The following TBC1D19 variants were observed in gnomAD, a reference collection of about 807,000 sequenced individuals.
The protein encoded by TBC1D19 is TBC1 domain family member 19, also known as TBC1 domain family, member 19.
A neutral mutation model predicts 89.0 loss-of-function variants in TBC1D19; 60 were observed. That is an observed-to-expected ratio of 0.67 (90% CI 0.55 to 0.84). The LOEUF is 0.84. TBC1D19 is among the 40% of genes least tolerant of loss of function. The probability of loss-of-function intolerance (pLI) is 0.00; values close to 1 mark genes in which losing one functional copy is unlikely to be tolerated. For missense variants in TBC1D19, 500 were observed against 610.8 expected, an observed-to-expected ratio of 0.82 and a Z score of 1.91; for synonymous variants, 189 against 199.7, an observed-to-expected ratio of 0.95 and a Z score of 0.45.
At chr4:26,638,865 G>T (rs958532695) in intron 6 of TBC1D19, 31 bp downstream of exon 6, 1 of 1,525,492 alleles carries the variant, frequency 6.6e-7, no homozygotes, top group African/African-American at 1.4e-5. Context: ...GAATGTAGTA[G>T]TGGAAAAATA....
Position 26,735,443 on chromosome 4 carries a change from T to TC in TBC1D19, c.1085-12_1085-11insC. ...TACTACTTATTGAAAAGAAATACCTTTTTTTTTTTAGGTGTTATCCCTTTT... is the reference window on the plus strand; with the variant it reads ...TACTACTTATTGAAAAGAAATACCTTCTTTTTTTTTAGGTGTTATCCCTTTT... On this transcript the variant is annotated splice_polypyrimidine_tract_variant and intron_variant, in intron 15 of 20. Coordinates refer to ENST00000264866, the MANE Select transcript of TBC1D19 (RefSeq NM_018317.4). 6.5e-7 allele frequency: 1 copy of TC among 1,545,372 alleles called. No individual in the cohort carries two copies. Among genetic ancestry groups the TC allele is most frequent in the Admixed American group, 1.9e-5 (1 of 52,922 alleles).
intron 15 of TBC1D19, among the ~76,000 whole-genome samples, chr4:26,722,866 CATAG>C (rs1348998819): frequency 1.3e-5 from 2 of 152,084 alleles, no homozygotes; most frequent in East Asian, 3.9e-4. Context: ...GAAACTGAGG[CATAG>C]AGTGTTAACC....
chr4:26,583,928 A>G, upstream of TBC1D19: 2 of 481,594 alleles, frequency 4.2e-6, no homozygotes, highest in Non-Finnish European at 7.5e-6. Context: ...TCAACCATAG[A>G]CAAGGCAGGA....
chr4:26,845,525 A>G, the TBC1D19 span, among the ~76,000 whole-genome samples: 1 of 152,176 alleles, frequency 6.6e-6, no homozygotes, highest in South Asian at 2.1e-4. Flanking sequence ...GTTAACAGTA[A>G]CTTCCCATTC....
At chr4:26,583,025 A>G (rs957723345), upstream of TBC1D19, among the ~76,000 whole-genome samples, 2 of 152,194 alleles carry the variant, frequency 1.3e-5, no homozygotes, top group African/African-American at 2.4e-5. Flanking sequence ...TAGAATCTAC[A>G]TTTGATTGAA....
intron 7 of TBC1D19, among the ~76,000 whole-genome samples, chr4:26,654,867 C>T (rs1006290607): frequency 7.2e-5 from 11 of 152,202 alleles, no homozygotes; most frequent in African/African-American, 2.7e-4. Context: ...GGCTTCTTCT[C>T]TCAATTCATC....
At chr4:26,672,752 A>T (rs1712431329) in intron 10 of TBC1D19, among the ~76,000 whole-genome samples, 1 of 151,972 alleles carries the variant, frequency 6.6e-6, no homozygotes, top group East Asian at 1.9e-4. Context: ...TGTCAGAATG[A>T]ACCTTCTATG....
the TBC1D19 span, among the ~76,000 whole-genome samples, chr4:26,818,457 T>C: frequency 6.6e-6 from 1 of 152,136 alleles, no homozygotes; most frequent in Admixed American, 6.5e-5. Flanking sequence ...GGTCTCACCA[T>C]GTTGCCCAAG....
Position 26,724,310 on chromosome 4 carries a change from T to G in TBC1D19, c.1084+4185T>G, listed in dbSNP as rs550149250. ...TTTTTATTATTTTTTTTCCTGTGAA[T>G]GGGTTATACTTTTTTATTTCTTCAC... On this transcript the variant is annotated intron_variant, in intron 15 of 20. Transcript: ENST00000264866. Among the ~76,000 whole-genome samples, 19 of 152,296 alleles carry G rather than the reference T, an allele frequency of 1.2e-4. No homozygotes were observed. In the East Asian group the frequency reaches 3.7e-3, roughly 29 times the overall value.
intron 3 of TBC1D19, among the ~76,000 whole-genome samples, chr4:26,615,329 T>A (rs1741614998): frequency 6.6e-6 from 1 of 152,230 alleles, no homozygotes; most frequent in Non-Finnish European, 1.5e-5. Context: ...TGTCAATTAC[T>A]TATTGAATAC....
chr4:26,677,848 T>C (rs1712974461), intron 11 of TBC1D19, among the ~76,000 whole-genome samples: 1 of 152,194 alleles, frequency 6.6e-6, no homozygotes, highest in African/African-American at 2.4e-5. Context: ...CCTTCTGCTA[T>C]GATTGTAAAT....
At chr4:26,634,753 C>G (rs1743023571) in intron 4 of TBC1D19, among the ~76,000 whole-genome samples, 1 of 151,986 alleles carries the variant, frequency 6.6e-6, no homozygotes, top group Admixed American at 6.6e-5. Flanking sequence ...TTTATGCATT[C>G]AGAACAAACC....
chr4:26,812,186 T>C, the TBC1D19 span, among the ~76,000 whole-genome samples: 2 of 152,100 alleles, frequency 1.3e-5, no homozygotes, highest in Admixed American at 6.6e-5. This position sits in a 1 kb window ranked among gnomAD's most constrained non-coding sequence, Gnocchi z 4.2. Context: ...GCGAGGAAGA[T>C]GTGAATGGGG....
the TBC1D19 span, among the ~76,000 whole-genome samples, chr4:26,762,330 A>G: frequency 6.6e-6 from 1 of 152,212 alleles, no homozygotes; most frequent in African/African-American, 2.4e-5. Flanking sequence ...TAATTAGAAA[A>G]TGGTTTTTAA....
At chr4:26,817,975 A>ACATATATATATAT in the TBC1D19 span, among the ~76,000 whole-genome samples, 31 of 105,206 alleles carry the variant, frequency 2.9e-4, no homozygotes, top group African/African-American at 1.1e-3. Flanking sequence ...ATTTAAAAAA[A>ACATATATATATAT]AAAAAAATAT....
the TBC1D19 span, among the ~76,000 whole-genome samples, chr4:26,775,191 C>T: frequency 6.6e-6 from 1 of 152,208 alleles, no homozygotes; most frequent in African/African-American, 2.4e-5. Context: ...GTGGCTTACA[C>T]CTGTAATCCC....
At chr4:26,725,453 C>T (rs549024228) in intron 15 of TBC1D19, among the ~76,000 whole-genome samples, 130 of 152,046 alleles carry the variant, frequency 8.6e-4, no homozygotes, top group African/African-American at 2.8e-3. Flanking sequence ...GCTCTGTCGT[C>T]CAGGCTGGAA....
At chr4:26,829,993 G>C in the TBC1D19 span, among the ~76,000 whole-genome samples, 10 of 152,168 alleles carry the variant, frequency 6.6e-5, no homozygotes, top group African/African-American at 1.9e-4. Flanking sequence ...CTATAAAAGA[G>C]TCCAGGAGCC....
the TBC1D19 span, among the ~76,000 whole-genome samples, chr4:26,804,911 G>A: frequency 1.3e-5 from 2 of 152,170 alleles, no homozygotes; most frequent in African/African-American, 2.4e-5. Context: ...TATTGGAACC[G>A]AGACTCAGGA....
Sources: gnomAD v4.1 joint callset for allele counts (sites outside exome capture counted in the v4.1 genomes callset) on GRCh38, gnomAD v4.1.1 for gene constraint, Gnocchi (gnomAD v3.1) non-coding constraint, MANE v1.5 for transcripts, NCBI Gene and HGNC (gene_info 2026-07-23, HGNC 2026-07-21) for gene names.